PDE10A: variants seen among roughly 807,000 people sequenced by gnomAD.
PDE10A encodes the protein phosphodiesterase 10A.
A neutral mutation model predicts 97.7 loss-of-function variants in PDE10A; 39 were observed. That is an observed-to-expected ratio of 0.40 (90% CI 0.31 to 0.52). The LOEUF (loss-of-function observed/expected upper bound fraction) is 0.52, where lower values mean the gene tolerates loss of function less well. Ranked by LOEUF, PDE10A falls within the 20% of genes least tolerant of loss-of-function variation. The pLI is 0.56. For missense variants in PDE10A, 731 were observed against 1,047.8 expected, an observed-to-expected ratio of 0.70 and a Z score of 4.17; for synonymous variants, 371 against 376.8, an observed-to-expected ratio of 0.98 and a Z score of 0.18.
At chr6:165,380,631 CTT>C (rs1784873780) in intron 17 of PDE10A, among the ~76,000 whole-genome samples, 1 of 152,132 alleles carries the variant, frequency 6.6e-6, no homozygotes, top group Non-Finnish European at 1.5e-5. Flanking sequence ...AATTATAAAA[CTT>C]ATATTAGTTC....
intron 1 of PDE10A, among the ~76,000 whole-genome samples, chr6:165,623,349 C>G (rs1788235822): frequency 6.6e-6 from 1 of 152,058 alleles, no homozygotes; most frequent in Non-Finnish European, 1.5e-5. Flanking sequence ...AGCCCCTGGC[C>G]TCAAGTGATC....
At chr6:165,673,462 G>T (rs1335789985) in intron 1 of PDE10A, among the ~76,000 whole-genome samples, 1 of 152,214 alleles carries the variant, frequency 6.6e-6, no homozygotes, top group Non-Finnish European at 1.5e-5. Context: ...TTGGAAAGGC[G>T]AGGGTTAAAA....
rs376749472 is a variant in PDE10A, at chr6:165,534,721, G to A, written c.994+8719C>T. Among the ~76,000 whole-genome samples the A allele has an allele frequency of 5.3e-5, 8 of 151,968 alleles. No homozygotes were observed. In the East Asian group the frequency reaches 9.6e-4, roughly 18 times the overall value. ...GCATATGATCATTTGAATAGATGCT[G>A]AAAAAGCATTCAATAAAATTCAACA... On this transcript the variant is annotated intron_variant, in intron 2 of 21. Transcript: ENST00000539869.
intron 1 of PDE10A, among the ~76,000 whole-genome samples, chr6:165,865,547 A>T (rs1288237356): frequency 6.6e-6 from 1 of 152,172 alleles, no homozygotes; most frequent in Non-Finnish European, 1.5e-5. Flanking sequence ...CCAAAAACCA[A>T]ATCATGATCT....
intron 1 of PDE10A, among the ~76,000 whole-genome samples, chr6:165,570,606 G>T (rs1314579974): frequency 6.6e-6 from 1 of 152,078 alleles, no homozygotes; most frequent in Non-Finnish European, 1.5e-5. Flanking sequence ...GAAATAACTC[G>T]ATTTTCTTTA....
At chr6:165,871,381 T>C (rs1479718568) in intron 1 of PDE10A, among the ~76,000 whole-genome samples, 1 of 152,154 alleles carries the variant, frequency 6.6e-6, no homozygotes, top group African/African-American at 2.4e-5. Context: ...GTTTTGGACA[T>C]GAAGGGATGA....
chr6:165,540,113 G>T (rs1240495141), intron 2 of PDE10A, among the ~76,000 whole-genome samples: 1 of 152,128 alleles, frequency 6.6e-6, no homozygotes, highest in Admixed American at 6.6e-5. Flanking sequence ...ATTCGAAAAT[G>T]TGAGGAATAC....
At chr6:165,945,906 A>G (rs1045151014) in intron 1 of PDE10A, among the ~76,000 whole-genome samples, 1 of 152,230 alleles carries the variant, frequency 6.6e-6, no homozygotes, top group Non-Finnish European at 1.5e-5. Context: ...GTGTGATTGC[A>G]CTTTAGCAAC....
chr6:165,457,247 A>C (rs1259802785), intron 3 of PDE10A, among the ~76,000 whole-genome samples: 1 of 152,240 alleles, frequency 6.6e-6, no homozygotes, highest in East Asian at 1.9e-4. Context: ...AACTTCATAA[A>C]GTCCCTTCAT....
At chr6:165,840,288 G>A (rs1780225498) in intron 1 of PDE10A, among the ~76,000 whole-genome samples, 1 of 151,152 alleles carries the variant, frequency 6.6e-6, no homozygotes, top group Non-Finnish European at 1.5e-5. Context: ...AATCAGTCCA[G>A]GCAAACTGGA....
chr6:165,823,892 C>A (rs143487507), intron 1 of PDE10A, among the ~76,000 whole-genome samples: 1 of 152,202 alleles, frequency 6.6e-6, no homozygotes, highest in East Asian at 1.9e-4. Context: ...TGACATGTGA[C>A]GGTATTTATG....
At chr6:165,853,078 G>T (rs1040579926) in intron 1 of PDE10A, among the ~76,000 whole-genome samples, 1 of 152,176 alleles carries the variant, frequency 6.6e-6, no homozygotes, top group African/African-American at 2.4e-5. Context: ...CCCTCATTTT[G>T]CATCTTCTCT....
intron 1 of PDE10A, among the ~76,000 whole-genome samples, chr6:165,631,289 G>A (rs1216359583): frequency 2.0e-5 from 3 of 152,182 alleles, no homozygotes; most frequent in African/African-American, 7.2e-5. Context: ...ACCTGTCTCA[G>A]TGAGAATTGT....
chr6:165,544,460 C>T (rs567162115), intron 1 of PDE10A, among the ~76,000 whole-genome samples: 1 of 151,916 alleles, frequency 6.6e-6, no homozygotes, highest in Non-Finnish European at 1.5e-5. Flanking sequence ...ATTAAACAAC[C>T]CCAAACACAA....
At chr6:165,581,101 G>A (rs777042613) in intron 1 of PDE10A, among the ~76,000 whole-genome samples, 1 of 152,152 alleles carries the variant, frequency 6.6e-6, no homozygotes, top group Non-Finnish European at 1.5e-5. Flanking sequence ...GAGAAAATAA[G>A]AGGTAAGAAA....
intron 1 of PDE10A, among the ~76,000 whole-genome samples, chr6:165,695,729 A>G (rs1205527986): frequency 3.9e-5 from 6 of 152,216 alleles, no homozygotes; most frequent in Non-Finnish European, 7.3e-5. Context: ...GCAACTGGGC[A>G]GAGATTTGTG....
intron 1 of PDE10A, among the ~76,000 whole-genome samples, chr6:165,925,981 C>T (rs1036957919): frequency 1.3e-5 from 2 of 152,258 alleles, no homozygotes; most frequent in East Asian, 1.9e-4. Context: ...GGGGGAACTG[C>T]AAGAAGGGTA....
chr6:165,817,961 C>T (rs1171931603), intron 1 of PDE10A, among the ~76,000 whole-genome samples: 2 of 152,222 alleles, frequency 1.3e-5, no homozygotes, highest in Non-Finnish European at 2.9e-5. Context: ...CATGTCCCAC[C>T]TGTTGATCCG....
At chr6:165,729,564 A>G (rs1471846580) in intron 1 of PDE10A, among the ~76,000 whole-genome samples, 3 of 152,204 alleles carry the variant, frequency 2.0e-5, no homozygotes, top group South Asian at 2.1e-4. Context: ...CCGGGCCCCA[A>G]CCACAGGGAT....
Sources: gnomAD v4.1 joint callset for allele counts (sites outside exome capture counted in the v4.1 genomes callset) on GRCh38, gnomAD v4.1.1 for gene constraint, MANE v1.5 for transcripts, NCBI Gene and HGNC (gene_info 2026-07-23, HGNC 2026-07-21) for gene names.